The following ADGRV1 variants were observed in gnomAD, a reference collection of about 807,000 sequenced individuals.
The protein encoded by ADGRV1 is adhesion G protein-coupled receptor V1, also known as G-protein coupled receptor 98.
Under a neutral mutation model 596.2 loss-of-function variants are expected in ADGRV1, and 359 were observed. That is an observed-to-expected ratio of 0.60 (90% CI 0.55 to 0.66). The LOEUF is 0.66. Among genes scored for constraint, ADGRV1 ranks in the 30% least tolerant of loss-of-function variants. The pLI is 0.00. For missense variants in ADGRV1, 7,274 were observed against 7,575.6 expected, an observed-to-expected ratio of 0.96 and a Z score of 1.48; for synonymous variants, 2,681 against 2,679.2, an observed-to-expected ratio of 1.00 and a Z score of -0.02.
chr5:90,635,122 T>C lies in ADGRV1; in HGVS notation c.1848T>C (p.Thr616=). The change falls in exon 10 of 90, where the codon ACT becomes ACC. Residue 616 remains threonine (T), a synonymous_variant. Transcript: ENST00000405460. The stretch of plus-strand genomic sequence containing the variant: ...GTATTTGTTTATTATAGTTGGAAAC[T>C]GTGGAGTTGTTAAACATAATTCCTC... The part of the protein sequence containing the change: ...NGAHFLVQLE[T]VELLNIIPLI... The C allele has an allele frequency of 6.3e-7, 1 of 1,585,036 alleles. No individual in the cohort carries two copies. Among genetic ancestry groups the C allele is most frequent in the East Asian group, 2.2e-5 (1 of 44,702 alleles).
At chr5:91,049,680 G>T (rs1404664507) in intron 85 of ADGRV1, among the ~76,000 whole-genome samples, 2 of 152,130 alleles carry the variant, frequency 1.3e-5, no homozygotes, top group African/African-American at 4.8e-5. Context: ...CAAATGAAAT[G>T]AATTTTCATA....
intron 86 of ADGRV1, among the ~76,000 whole-genome samples, chr5:91,078,886 A>G (rs1789083605): frequency 6.6e-6 from 1 of 152,252 alleles, no homozygotes; most frequent in African/African-American, 2.4e-5. Flanking sequence ...TATTTGAAGC[A>G]GTCAGTAGCT....
At chr5:90,759,377 T>G in intron 57 of ADGRV1, 32 bp from the exon 58 acceptor site, 1 of 1,421,074 alleles carries the variant, frequency 7.0e-7, no homozygotes, top group Non-Finnish European at 9.7e-7. Flanking sequence ...TTTTCCTCCC[T>G]CTCTTTCTCC....
Position 90,729,556 on chromosome 5 carries a change from ATTT to A in ADGRV1, c.10427-83_10427-81del, listed in dbSNP as rs147398122. The stretch of plus-strand genomic sequence containing the variant: ...ATTCTGAGGAAATTTGTTTCTTGAT[ATTT>A]TTATTATAGTTTTATTATGTAATTT... On this transcript the variant is annotated intron_variant, in intron 49 of 89. Coordinates refer to ENST00000405460, the MANE Select transcript of ADGRV1 (RefSeq NM_032119.4). 5.5e-3 allele frequency: 5,695 copies of A among 1,044,724 alleles called. 200 individuals carry two copies. The African/African-American group carries it at 0.084, about 15-fold the overall frequency. 64.7% of individuals were successfully genotyped at this position (1,044,724 alleles called of 1,614,324 possible). A position where few individuals can be genotyped will look rare whatever the true frequency, so the allele number is the denominator to read the frequency against.
intron 58 of ADGRV1, among the ~76,000 whole-genome samples, chr5:90,760,457 T>A (rs1455762826): frequency 6.6e-6 from 1 of 152,188 alleles, no homozygotes; most frequent in Non-Finnish European, 1.5e-5. Context: ...TCCTATTTAT[T>A]GGCTGTAGTA....
intron 85 of ADGRV1, among the ~76,000 whole-genome samples, chr5:91,057,795 C>T (rs1385318935): frequency 1.3e-5 from 2 of 152,110 alleles, no homozygotes; most frequent in Non-Finnish European, 2.9e-5. Context: ...CTCTCTCCTT[C>T]TAACGGAATT....
chr5:90,991,314 CTT>C (rs926587502), intron 85 of ADGRV1, among the ~76,000 whole-genome samples: 1 of 152,192 alleles, frequency 6.6e-6, no homozygotes, highest in African/African-American at 2.4e-5. Flanking sequence ...CAACAAATAA[CTT>C]ATTGAATAAT....
At chr5:90,839,004 C>T (rs1287478764) in intron 77 of ADGRV1, among the ~76,000 whole-genome samples, 1 of 152,168 alleles carries the variant, frequency 6.6e-6, no homozygotes, top group Non-Finnish European at 1.5e-5. Flanking sequence ...ACCACTGTTT[C>T]TTGCATGAAC....
intron 8 of ADGRV1, 140 bp downstream of exon 8, chr5:90,628,972 C>A: frequency 1.3e-6 from 1 of 778,734 alleles, no homozygotes; most frequent in Non-Finnish European, 2.0e-6. Flanking sequence ...AGTTTTCTTA[C>A]TCAGTATTCC....
chr5:90,965,871 A>G (rs1778412944), intron 84 of ADGRV1, among the ~76,000 whole-genome samples: 1 of 152,190 alleles, frequency 6.6e-6, no homozygotes, highest in South Asian at 2.1e-4. Context: ...ACATGATAAG[A>G]TTTAGATTTT....
At chr5:90,759,819 G>T in intron 58 of ADGRV1, 1 of 454,984 alleles carries the variant, frequency 2.2e-6, no homozygotes, top group Non-Finnish European at 4.1e-6. Flanking sequence ...ACAAAAATTA[G>T]CTGGGCGTGG....
chr5:91,029,092 A>G (rs533687530), intron 85 of ADGRV1, among the ~76,000 whole-genome samples: 1 of 152,134 alleles, frequency 6.6e-6, no homozygotes, highest in Non-Finnish European at 1.5e-5. Context: ...CAAATGTACA[A>G]TTCCACTCCA....
In ADGRV1 at chr5:90,745,588, T is replaced by C. The variant is rs750960454; in HGVS notation, c.10770-3T>C. The C allele has an allele frequency of 3.8e-6, 6 of 1,599,022 alleles. No homozygotes were observed. The highest frequency in any genetic ancestry group is 3.9e-4 in the Middle Eastern group (2 of 5,148). On this transcript the variant is annotated splice_polypyrimidine_tract_variant and splice_region_variant and intron_variant, in intron 51 of 89. Transcript: ENST00000405460. ...CTTATTTTGTATATGCTTCTTATGG[T>C]AGTTCAGGTGAACTGATATTTGAAC...
At chr5:90,678,269 G>A (rs893005639) in intron 25 of ADGRV1, among the ~76,000 whole-genome samples, 10 of 152,086 alleles carry the variant, frequency 6.6e-5, no homozygotes, top group African/African-American at 2.4e-4. Context: ...GTATACGTAT[G>A]GATGTGGCTT....
At position 90,751,151 on chromosome 5, in the gene ADGRV1, T is replaced by C. The variant is rs147213274; in HGVS notation, c.11121+454T>C. Among the ~76,000 whole-genome samples the C allele has an allele frequency of 1.5e-3, 231 of 152,196 alleles. 1 individual carries two copies. The highest frequency in any genetic ancestry group is 5.3e-3 in the African/African-American group (220 of 41,524). On this transcript the variant is annotated intron_variant, in intron 53 of 89. Transcript: ENST00000405460. ...GTAAATAGACTCTGAGATTGAGAGT[T>C]GTGGACAGAAGGATTTTGGGGAGAT...
chr5:91,132,166 C>T (rs562107300), intron 87 of ADGRV1, among the ~76,000 whole-genome samples: 2 of 152,250 alleles, frequency 1.3e-5, no homozygotes, highest in Admixed American at 1.3e-4. Context: ...ATTCTTGACT[C>T]TCACTGGCTA....
At chr5:90,560,834 A>G (rs1343048735) in intron 1 of ADGRV1, among the ~76,000 whole-genome samples, 1 of 152,158 alleles carries the variant, frequency 6.6e-6, no homozygotes, top group East Asian at 1.9e-4. Flanking sequence ...TTTTATGGTA[A>G]TAAATATAAC....
intron 70 of ADGRV1, 120 bp from the exon 71 acceptor site, chr5:90,802,619 T>C (rs1761492033): frequency 2.6e-6 from 2 of 759,410 alleles, no homozygotes; most frequent in African/African-American, 1.8e-5. Context: ...GAAAAGTGCA[T>C]GTATTGATGA....
chr5:91,031,444 C>A, intron 85 of ADGRV1: 1 of 746,186 alleles, frequency 1.3e-6, no homozygotes, highest in South Asian at 1.7e-5. Context: ...AAGAGTCACT[C>A]AACTCTGAAT....
Sources: allele counts gnomAD v4.1 joint callset (sites outside exome capture counted in the v4.1 genomes callset), GRCh38; gene constraint gnomAD v4.1.1; transcripts MANE v1.5; gene names NCBI Gene and HGNC (gene_info 2026-07-23, HGNC 2026-07-21).